The following RAB38 variants were observed in gnomAD, a reference collection of about 807,000 sequenced individuals.
The protein encoded by RAB38 is RAB38, member RAS oncogene family, also known as ras-related protein Rab-38.
In RAB38, 15 loss-of-function variants were observed where a neutral mutation model predicts 18.4. The observed-to-expected ratio is 0.82, with a 90% CI of 0.55 to 1.26. The LOEUF (loss-of-function observed/expected upper bound fraction) is 1.26, where lower values mean the gene tolerates loss of function less well. RAB38 is among the 50% of genes most tolerant of loss of function. The probability of loss-of-function intolerance (pLI) is 0.00; values close to 1 mark genes in which losing one functional copy is unlikely to be tolerated. For missense variants in RAB38, 294 were observed against 267.4 expected (o/e 1.10, Z -0.69); for synonymous variants, 101 against 104.4 (o/e 0.97, Z 0.20).
chr11:87,954,534 G>A, the RAB38 span, among the ~76,000 whole-genome samples: 3 of 151,274 alleles, frequency 2.0e-5, no homozygotes, highest in Admixed American at 6.6e-5. Flanking sequence ...ATAAATGCAC[G>A]CTAGAGAAGG....
intron 2 of RAB38, among the ~76,000 whole-genome samples, chr11:88,145,562 A>T (rs1046415292): frequency 6.6e-6 from 1 of 152,170 alleles, no homozygotes; most frequent in African/African-American, 2.4e-5. Context: ...AGAATGTACC[A>T]GGTAATTTGT....
chr11:87,902,725 A>G, the RAB38 span, among the ~76,000 whole-genome samples: 3 of 151,386 alleles, frequency 2.0e-5, no homozygotes, highest in Non-Finnish European at 3.0e-5. Context: ...GTGTACTTGT[A>G]TCTATGCGTT....
At chr11:88,158,710 T>C (rs1943154671) in intron 1 of RAB38, among the ~76,000 whole-genome samples, 2 of 151,998 alleles carry the variant, frequency 1.3e-5, no homozygotes, top group African/African-American at 4.8e-5. Context: ...TTTGATAAAA[T>C]CCAACATCCC....
the RAB38 span, among the ~76,000 whole-genome samples, chr11:88,061,415 T>G: frequency 6.6e-6 from 1 of 152,158 alleles, no homozygotes. Flanking sequence ...AGAATATTAA[T>G]CAAACAAATT....
chr11:88,121,277 T>C (rs1942624995), intron 2 of RAB38, among the ~76,000 whole-genome samples: 1 of 152,220 alleles, frequency 6.6e-6, no homozygotes, highest in South Asian at 2.1e-4. Flanking sequence ...CTAATGCATA[T>C]GAGGTATCTA....
At chr11:87,873,080 A>C in the RAB38 span, among the ~76,000 whole-genome samples, 1 of 151,584 alleles carries the variant, frequency 6.6e-6, no homozygotes, top group African/African-American at 2.4e-5. Context: ...AAAAAATGAG[A>C]GTTCCTGTTC....
chr11:87,860,361 GC>G, the RAB38 span, among the ~76,000 whole-genome samples: 1 of 151,784 alleles, frequency 6.6e-6, no homozygotes, highest in South Asian at 2.1e-4. Flanking sequence ...AAACAGAATG[GC>G]CCTATTTCTG....
chr11:87,847,103 TAAGAA>T, the RAB38 span, among the ~76,000 whole-genome samples: 1 of 151,936 alleles, frequency 6.6e-6, no homozygotes. Flanking sequence ...AGGCCTATCC[TAAGAA>T]ACTAGAAAAA....
At chr11:87,937,635 A>G in the RAB38 span, among the ~76,000 whole-genome samples, 2 of 151,808 alleles carry the variant, frequency 1.3e-5, no homozygotes, top group East Asian at 3.9e-4. Context: ...GCAATAATCT[A>G]TTTTGTATTA....
chr11:88,038,754 T>G, the RAB38 span, among the ~76,000 whole-genome samples: 1 of 152,224 alleles, frequency 6.6e-6, no homozygotes, highest in African/African-American at 2.4e-5. Flanking sequence ...TTCACTATTA[T>G]TTCCTTAGTC....
chr11:88,034,829 G>C, the RAB38 span, among the ~76,000 whole-genome samples: 1 of 152,128 alleles, frequency 6.6e-6, no homozygotes. Flanking sequence ...TGTCTTTGTT[G>C]AGTTTAAATT....
chr11:87,976,512 T>C, the RAB38 span, among the ~76,000 whole-genome samples: 2 of 24 alleles, frequency 0.083, no homozygotes, highest in East Asian at 0.5. Flanking sequence ...TTGTAATATA[T>C]TTATATTTTA....
At chr11:87,966,737 A>C in the RAB38 span, among the ~76,000 whole-genome samples, 1 of 152,196 alleles carries the variant, frequency 6.6e-6, no homozygotes, top group Non-Finnish European at 1.5e-5. Context: ...AGACTCCATC[A>C]AGTCCCTGCT....
chr11:87,949,685 T>A, the RAB38 span, among the ~76,000 whole-genome samples: 1 of 152,206 alleles, frequency 6.6e-6, no homozygotes, highest in African/African-American at 2.4e-5. Context: ...TCAGTTTCCA[T>A]GTAGTTGGGC....
At chr11:88,158,364 G>A (rs1010452826) in intron 1 of RAB38, among the ~76,000 whole-genome samples, 2 of 151,940 alleles carry the variant, frequency 1.3e-5, no homozygotes, top group Non-Finnish European at 2.9e-5. Flanking sequence ...AAAAGACTTG[G>A]TATCAATCCT....
intron 1 of RAB38, among the ~76,000 whole-genome samples, chr11:88,164,292 G>A (rs1383276399): frequency 7.1e-6 from 1 of 140,314 alleles, no homozygotes; most frequent in Non-Finnish European, 1.5e-5. Context: ...TCACATGGGT[G>A]AAACAGGATA....
At chr11:87,950,938 G>T in the RAB38 span, among the ~76,000 whole-genome samples, 20 of 152,276 alleles carry the variant, frequency 1.3e-4, 1 homozygote, top group South Asian at 3.7e-3. Context: ...GGCCTGCCTT[G>T]CTAGATTGGG....
the RAB38 span, among the ~76,000 whole-genome samples, chr11:88,064,791 T>C: frequency 1.3e-5 from 2 of 152,250 alleles, no homozygotes; most frequent in African/African-American, 2.4e-5. Context: ...CTTTGCCTTT[T>C]TTCTCCACTT....
chr11:88,127,465 G>T (rs1419211436), intron 2 of RAB38, among the ~76,000 whole-genome samples: 2 of 152,172 alleles, frequency 1.3e-5, no homozygotes, highest in African/African-American at 4.8e-5. Context: ...CACACAGTTT[G>T]ACAACTACTG....
Sources: gnomAD v4.1 joint callset for allele counts (sites outside exome capture counted in the v4.1 genomes callset) on GRCh38, gnomAD v4.1.1 for gene constraint, MANE v1.5 for transcripts, NCBI Gene and HGNC (gene_info 2026-07-23, HGNC 2026-07-21) for gene names.